Variants in LRRC7 observed in about 807,000 individuals in gnomAD.
LRRC7 encodes the protein leucine-rich repeat-containing protein 7.
Under a neutral mutation model 175.7 loss-of-function variants are expected in LRRC7, and 23 were observed. That is an observed-to-expected ratio of 0.13 (90% CI 0.09 to 0.19). The LOEUF is 0.19. LRRC7 is among the 10% of genes least tolerant of loss of function. The pLI, the probability that LRRC7 is intolerant of heterozygous loss-of-function variation, is 1.00. For synonymous variants in LRRC7, 685 were observed against 680.9 expected (o/e 1.01, Z -0.09); for missense variants, 1,354 against 1,904.7 (o/e 0.71, Z 5.38).
intron 7 of LRRC7, among the ~76,000 whole-genome samples, chr1:69,890,219 A>G (rs917169057): frequency 2.0e-5 from 3 of 152,222 alleles, no homozygotes; most frequent in Non-Finnish European, 4.4e-5. Flanking sequence ...TATTTCTTAA[A>G]TAATAAGGCT....
intron 7 of LRRC7, among the ~76,000 whole-genome samples, chr1:69,923,982 A>G (rs542296721): frequency 4.6e-5 from 7 of 152,070 alleles, no homozygotes; most frequent in African/African-American, 1.4e-4. Context: ...TTTTTGTATA[A>G]GGTGTAAGGA....
At chr1:69,851,955 G>T (rs1308562298) in intron 7 of LRRC7, among the ~76,000 whole-genome samples, 2 of 152,076 alleles carry the variant, frequency 1.3e-5, no homozygotes, top group East Asian at 3.9e-4. Flanking sequence ...CTGGGATCTA[G>T]AACTACAAAA....
At chr1:70,045,654 T>C (rs982936056) in intron 22 of LRRC7, among the ~76,000 whole-genome samples, 1 of 152,190 alleles carries the variant, frequency 6.6e-6, no homozygotes, top group Non-Finnish European at 1.5e-5. Flanking sequence ...TCAAACCTTG[T>C]ATTAGTCTGC....
intron 24 of LRRC7, among the ~76,000 whole-genome samples, chr1:70,089,199 T>C (rs527973947): frequency 1.3e-5 from 2 of 152,320 alleles, no homozygotes; most frequent in East Asian, 3.9e-4. Flanking sequence ...CTGTGGCTAC[T>C]TTCTCAAACT....
chr1:69,752,114 C>G (rs1557682535), intron 2 of LRRC7, among the ~76,000 whole-genome samples: 1 of 152,092 alleles, frequency 6.6e-6, no homozygotes, highest in Non-Finnish European at 1.5e-5. Flanking sequence ...TCAGATGCCC[C>G]TTTGGAGTAC....
intron 11 of LRRC7, among the ~76,000 whole-genome samples, chr1:70,005,974 G>A (rs867681077): frequency 6.6e-6 from 1 of 151,834 alleles, no homozygotes. Context: ...AAAAATAAAG[G>A]TAACCTTTGG....
intron 1 of LRRC7, among the ~76,000 whole-genome samples, chr1:69,610,503 G>A (rs1648533759): frequency 6.6e-6 from 1 of 151,816 alleles, no homozygotes; most frequent in Non-Finnish European, 1.5e-5. Flanking sequence ...TGTTTTCTAT[G>A]TCTATGATTA....
At chr1:70,093,424 G>T (rs1190116620) in intron 25 of LRRC7, among the ~76,000 whole-genome samples, 1 of 152,034 alleles carries the variant, frequency 6.6e-6, no homozygotes, top group African/African-American at 2.4e-5. Flanking sequence ...CTTGCCCAAG[G>T]TCATTTAGCT....
intron 2 of LRRC7, among the ~76,000 whole-genome samples, chr1:69,696,403 G>A (rs1197595609): frequency 6.6e-6 from 1 of 152,070 alleles, no homozygotes; most frequent in Non-Finnish European, 1.5e-5. Flanking sequence ...TAAATAACTT[G>A]TTTTTTTAAT....
At position 70,029,505 on chromosome 1, in the gene LRRC7, T is replaced by A. The variant is rs530491478; in HGVS notation, c.1995+1134T>A. On this transcript the variant is annotated intron_variant, in intron 18 of 26. Coordinates refer to ENST00000651989, the MANE Select transcript of LRRC7 (RefSeq NM_001370785.2). ...AGCTAGATTTCTAAGGGAAAAAAAA[T>A]TAGCATTCATTTTCATTGTTTTTTG... 4.0e-5 allele frequency among the ~76,000 whole-genome samples: 6 copies of A among 150,564 alleles called. No homozygotes were observed. The East Asian group carries it at 1.2e-3, about 29-fold the overall frequency.
chr1:69,968,326 AG>A (rs1651870730), intron 8 of LRRC7, among the ~76,000 whole-genome samples: 1 of 152,208 alleles, frequency 6.6e-6, no homozygotes, highest in Admixed American at 6.5e-5. Flanking sequence ...ACCAAACCTA[AG>A]AATAATGTAT....
At chr1:69,967,645 C>T (rs1207220519) in intron 8 of LRRC7, among the ~76,000 whole-genome samples, 1 of 152,150 alleles carries the variant, frequency 6.6e-6, no homozygotes, top group African/African-American at 2.4e-5. Flanking sequence ...ACAGACAACC[C>T]CCAGTCCCAG....
At chr1:69,895,662 T>G (rs372796688) in intron 7 of LRRC7, among the ~76,000 whole-genome samples, 215 of 152,336 alleles carry the variant, frequency 1.4e-3, no homozygotes, top group African/African-American at 5.0e-3. Flanking sequence ...CTGACTTTTC[T>G]GGAGTTTTAT....
intron 22 of LRRC7, among the ~76,000 whole-genome samples, chr1:70,044,896 T>C (rs1359645753): frequency 6.6e-6 from 1 of 152,160 alleles, no homozygotes; most frequent in African/African-American, 2.4e-5. Flanking sequence ...ATTTATATTG[T>C]CATTAGCCTA....
At chr1:70,075,239 C>T (rs1417253499) in intron 23 of LRRC7, among the ~76,000 whole-genome samples, 1 of 152,172 alleles carries the variant, frequency 6.6e-6, no homozygotes, top group Non-Finnish European at 1.5e-5. Context: ...CCAGCTCACA[C>T]ACAAAACTGC....
intron 2 of LRRC7, among the ~76,000 whole-genome samples, chr1:69,752,060 T>C (rs957490914): frequency 6.6e-6 from 1 of 152,102 alleles, no homozygotes; most frequent in East Asian, 1.9e-4. Flanking sequence ...GTCTGGGAAG[T>C]CTTCAAATGT....
chr1:69,909,521 C>T (rs1316489655), intron 7 of LRRC7, among the ~76,000 whole-genome samples: 2 of 151,974 alleles, frequency 1.3e-5, no homozygotes, highest in South Asian at 2.1e-4. Context: ...TTTTCTCCTT[C>T]ACTTATGAAG....
chr1:69,623,882 T>A lies in LRRC7; in HGVS notation c.3-54499T>A, dbSNP rs562538361. On this transcript the variant is annotated intron_variant, in intron 1 of 26. Transcript: ENST00000651989. Reference sequence around the variant, plus strand: ...CAGTTTATCCATGTTCATTTTTGTATAGCTTCTATTGTTTGGCCACATTCA... The same window carrying A: ...CAGTTTATCCATGTTCATTTTTGTAAAGCTTCTATTGTTTGGCCACATTCA... Among the ~76,000 whole-genome samples the A allele has an allele frequency of 2.4e-4, 36 of 152,294 alleles. 1 individual carries two copies. In the South Asian group the frequency reaches 7.3e-3, roughly 31 times the overall value.
intron 8 of LRRC7, among the ~76,000 whole-genome samples, chr1:69,952,580 G>A (rs1325692974): frequency 2.0e-5 from 3 of 151,926 alleles, no homozygotes; most frequent in African/African-American, 7.3e-5. Flanking sequence ...TCCATTCCAA[G>A]TACACATTTT....
Sources: allele counts gnomAD v4.1 joint callset (sites outside exome capture counted in the v4.1 genomes callset), GRCh38; gene constraint gnomAD v4.1.1; transcripts MANE v1.5; gene names NCBI Gene and HGNC (gene_info 2026-07-23, HGNC 2026-07-21).